Variants in AKAP13 observed in about 807,000 individuals in gnomAD.
The protein encoded by AKAP13 is A-kinase anchor protein 13.
Under a neutral mutation model 264.5 loss-of-function variants are expected in AKAP13, and 80 were observed. The ratio of observed to expected loss-of-function variants is 0.30; its 90% CI spans 0.25 to 0.36. The LOEUF (loss-of-function observed/expected upper bound fraction) is 0.36, where lower values mean the gene tolerates loss of function less well. Among genes scored for constraint, AKAP13 ranks in the 10% least tolerant of loss-of-function variants. The pLI is 1.00. For synonymous variants in AKAP13, 1,380 were observed against 1,250.2 expected, an observed-to-expected ratio of 1.10 and a Z score of -2.19; for missense variants, 3,712 against 3,435.2, an observed-to-expected ratio of 1.08 and a Z score of -2.01.
intron 5 of AKAP13, among the ~76,000 whole-genome samples, chr15:85,573,490 A>T (rs2078893212): frequency 6.6e-6 from 1 of 152,058 alleles, no homozygotes; most frequent in Non-Finnish European, 1.5e-5. Flanking sequence ...GGTTGCATTG[A>T]GCCAAGATCG....
chr15:85,575,039 T>A, intron 5 of AKAP13, 92 bp from the exon 6 acceptor site: 1 of 1,272,302 alleles, frequency 7.9e-7, no homozygotes. Flanking sequence ...CAAAGAACAA[T>A]CAGGTTAGAA....
chr15:85,635,346 CCTT>C (rs1315220202), intron 8 of AKAP13, among the ~76,000 whole-genome samples: 1 of 151,958 alleles, frequency 6.6e-6, no homozygotes, highest in East Asian at 1.9e-4. Context: ...TGCTTATCTG[CCTT>C]TCGTATATCT....
chr15:85,384,020 T>G (rs1420807213), intron 1 of AKAP13, among the ~76,000 whole-genome samples: 1 of 152,228 alleles, frequency 6.6e-6, no homozygotes, highest in African/African-American at 2.4e-5. Flanking sequence ...TTTAGAATAC[T>G]TACACTACCT....
At chr15:85,441,998 C>G (rs1002559478) in intron 1 of AKAP13, among the ~76,000 whole-genome samples, 2 of 152,182 alleles carry the variant, frequency 1.3e-5, no homozygotes, top group Admixed American at 6.5e-5. Flanking sequence ...GTCAATTTGG[C>G]TTTAGTTAAG....
At chr15:85,709,476 C>T (rs888461789) in intron 18 of AKAP13, among the ~76,000 whole-genome samples, 1 of 152,024 alleles carries the variant, frequency 6.6e-6, no homozygotes, top group African/African-American at 2.4e-5. Context: ...CAGGCTGCCA[C>T]TGCCTTCCCA....
intron 1 of AKAP13, among the ~76,000 whole-genome samples, chr15:85,409,327 C>T (rs1203773236): frequency 1.3e-5 from 2 of 151,394 alleles, no homozygotes; most frequent in African/African-American, 2.4e-5. Context: ...AAAGAGTGCA[C>T]CACCACACCC....
At chr15:85,613,696 A>ATGTGTGTG (rs1567155725) in intron 8 of AKAP13, among the ~76,000 whole-genome samples, 1 of 86,266 alleles carries the variant, frequency 1.2e-5, no homozygotes, top group Non-Finnish European at 2.4e-5. Flanking sequence ...AAAAAAATAT[A>ATGTGTGTG]TATATATATA....
intron 17 of AKAP13, among the ~76,000 whole-genome samples, chr15:85,700,687 C>G (rs2085859899): frequency 6.6e-6 from 1 of 152,112 alleles, no homozygotes; most frequent in Admixed American, 6.5e-5. Flanking sequence ...AAAAACGTAC[C>G]TTCTTAAAGG....
intron 19 of AKAP13, 152 bp downstream of exon 19, chr15:85,710,797 T>G: frequency 1.2e-6 from 1 of 842,182 alleles, no homozygotes. Flanking sequence ...ATCCTGCAGA[T>G]TCCTTTACCC....
chr15:85,742,924 TAAG>T (rs150826359), intron 35 of AKAP13, among the ~76,000 whole-genome samples: 2,102 of 152,172 alleles, frequency 0.014, 53 homozygotes, highest in African/African-American at 0.048. Flanking sequence ...TTTTATGACA[TAAG>T]GAGGGATTCC....
chr15:85,446,191 A>G (rs1307132921), intron 1 of AKAP13, among the ~76,000 whole-genome samples: 2 of 152,142 alleles, frequency 1.3e-5, no homozygotes, highest in African/African-American at 4.8e-5. Flanking sequence ...GACACATACT[A>G]TATTGAAGTT....
At chr15:85,491,573 A>G (rs1423720819) in intron 2 of AKAP13, among the ~76,000 whole-genome samples, 3 of 148,186 alleles carry the variant, frequency 2.0e-5, no homozygotes, top group Non-Finnish European at 4.5e-5. Flanking sequence ...GGCTCTTATG[A>G]GAGGACAGTG....
Position 85,557,446 on chromosome 15 carries a change from T to G in AKAP13, c.662+13491T>G, listed in dbSNP as rs548399908. Among the ~76,000 whole-genome samples the G allele has an allele frequency of 6.6e-5, 10 of 152,320 alleles. No homozygotes were observed. The South Asian group carries it at 1.0e-3, about 16-fold the overall frequency. On this transcript the variant is annotated intron_variant, in intron 5 of 36. Coordinates refer to ENST00000394518, the MANE Select transcript of AKAP13 (RefSeq NM_007200.5). The stretch of plus-strand genomic sequence containing the variant: ...AATCATTTCAACAAATTATAGAGCT[T>G]CTTTTGTTGTCGTTTTTGTTAGGTG...
chr15:85,515,943 T>G lies in AKAP13; in HGVS notation c.34-5485T>G, dbSNP rs1004693033. Among the ~76,000 whole-genome samples, 14 of 88,440 alleles carry G rather than the reference T, an allele frequency of 1.6e-4. 3 individuals carry two copies. The highest frequency in any genetic ancestry group is 3.2e-4 in the Non-Finnish European group (14 of 44,028). The allele number at this position is 88,440 out of a possible 152,430, so 58.0% of individuals were successfully genotyped here. On this transcript the variant is annotated intron_variant, in intron 2 of 36. Coordinates refer to ENST00000394518, the MANE Select transcript of AKAP13 (RefSeq NM_007200.5). ...GTGAGCATTTCTCCAACATCTTTGT[T>G]GTGTTTTTAACAACTTCTTTAACAT...
chr15:85,498,453 A>G (rs928026235), intron 2 of AKAP13, among the ~76,000 whole-genome samples: 6 of 152,086 alleles, frequency 3.9e-5, no homozygotes, highest in Admixed American at 2.6e-4. Context: ...CTCCTCACCC[A>G]TGTGAGATCC....
intron 3 of AKAP13, 63 bp from the exon 4 acceptor site, chr15:85,533,521 A>C: frequency 6.8e-7 from 1 of 1,477,374 alleles, no homozygotes; most frequent in South Asian, 1.4e-5. Context: ...AAGAGGATCC[A>C]CTAGCGTCCT....
At chr15:85,402,944 G>A (rs1281688901) in intron 1 of AKAP13, among the ~76,000 whole-genome samples, 1 of 152,128 alleles carries the variant, frequency 6.6e-6, no homozygotes, top group Non-Finnish European at 1.5e-5. Flanking sequence ...TAATAGCACC[G>A]CTGTTACTCA....
chr15:85,689,372 T>A (rs1306731467), intron 16 of AKAP13, among the ~76,000 whole-genome samples: 1 of 152,374 alleles, frequency 6.6e-6, no homozygotes, highest in East Asian at 1.9e-4. Context: ...TTTGATCATA[T>A]CATGTTTTCA....
chr15:85,706,528 C>A (rs1005856132), intron 17 of AKAP13, among the ~76,000 whole-genome samples: 1 of 152,166 alleles, frequency 6.6e-6, no homozygotes, highest in Non-Finnish European at 1.5e-5. Context: ...CATACTAGTA[C>A]ATACATACAT....
Sources: gnomAD v4.1 joint callset for allele counts (sites outside exome capture counted in the v4.1 genomes callset) on GRCh38, gnomAD v4.1.1 for gene constraint, MANE v1.5 for transcripts, NCBI Gene and HGNC (gene_info 2026-07-23, HGNC 2026-07-21) for gene names.